ADAMTS19: variants seen among roughly 807,000 people sequenced by gnomAD.
ADAMTS19 encodes the protein ADAM metallopeptidase with thrombospondin type 1 motif 19.
Under a neutral mutation model 153.3 loss-of-function variants are expected in ADAMTS19, and 93 were observed. That is an observed-to-expected ratio of 0.61 (90% CI 0.51 to 0.72). ADAMTS19 has a LOEUF of 0.72. ADAMTS19 is among the 30% of genes least tolerant of loss of function. The pLI is 0.00. For missense variants in ADAMTS19, 1,482 were observed against 1,552.1 expected (o/e 0.95, Z 0.76); for synonymous variants, 600 against 556.6 (o/e 1.08, Z -1.10).
At chr5:129,599,349 GTCA>G (rs1431410971) in intron 8 of ADAMTS19, among the ~76,000 whole-genome samples, 2 of 152,000 alleles carry the variant, frequency 1.3e-5, no homozygotes, top group Admixed American at 6.6e-5. Context: ...AAAGATACAT[GTCA>G]TCATAAATAT....
intron 21 of ADAMTS19, 21 bp from the exon 22 acceptor site, chr5:129,734,911 C>A: frequency 6.6e-7 from 1 of 1,520,394 alleles, no homozygotes; most frequent in South Asian, 1.3e-5. Flanking sequence ...AGAACCTAAA[C>A]AAACCTTGTA....
intron 15 of ADAMTS19, 93 bp from the exon 16 acceptor site, chr5:129,665,406 C>A (rs1754000907): frequency 9.0e-7 from 1 of 1,108,534 alleles, no homozygotes; most frequent in Admixed American, 2.7e-5. Context: ...ATAGCAATAA[C>A]CAAAACCAAA....
At chr5:129,610,404 A>G (rs1751145756) in intron 8 of ADAMTS19, among the ~76,000 whole-genome samples, 1 of 152,088 alleles carries the variant, frequency 6.6e-6, no homozygotes, top group Non-Finnish European at 1.5e-5. Flanking sequence ...CTTGTCAGTT[A>G]CATTGGGTAT....
intron 2 of ADAMTS19, among the ~76,000 whole-genome samples, chr5:129,482,469 C>A (rs1339420817): frequency 6.6e-6 from 1 of 152,032 alleles, no homozygotes; most frequent in South Asian, 2.1e-4. Flanking sequence ...TATTTTGGAC[C>A]TGTTTTTCTC....
At chr5:129,465,200 C>G (rs1015401145) in intron 2 of ADAMTS19, among the ~76,000 whole-genome samples, 3 of 151,830 alleles carry the variant, frequency 2.0e-5, no homozygotes, top group Admixed American at 1.3e-4. Context: ...ACATGAAGTA[C>G]TTTATGCTAC....
intron 14 of ADAMTS19, among the ~76,000 whole-genome samples, chr5:129,658,200 G>A (rs1001010471): frequency 1.3e-5 from 2 of 151,824 alleles, no homozygotes; most frequent in African/African-American, 4.8e-5. Context: ...GTGGGAGGCT[G>A]GCTTCAGCCT....
Position 129,665,485 on chromosome 5 carries a change from A to G in ADAMTS19, c.2426-14A>G, listed in dbSNP as rs773838726. On this transcript the variant is annotated splice_polypyrimidine_tract_variant and intron_variant, in intron 15 of 22. Transcript: ENST00000274487. ...GAACTCAAGATTTATTTCATGTTTT[A>G]TTGACTCTTACAGGTTATGTAGAAG... is the stretch of plus-strand genomic sequence containing the variant. 1 of 1,571,992 alleles carries G rather than the reference A, an allele frequency of 6.4e-7. No homozygotes were observed. The highest frequency in any genetic ancestry group is 8.7e-7 in the Non-Finnish European group (1 of 1,153,496).
At chr5:129,578,814 G>T (rs1581106417) in intron 7 of ADAMTS19, among the ~76,000 whole-genome samples, 1 of 152,030 alleles carries the variant, frequency 6.6e-6, no homozygotes, top group East Asian at 1.9e-4. Flanking sequence ...GTGTATATGT[G>T]CCACATTATC....
At chr5:129,666,743 A>C (rs577163436) in intron 16 of ADAMTS19, among the ~76,000 whole-genome samples, 1 of 152,334 alleles carries the variant, frequency 6.6e-6, no homozygotes, top group South Asian at 2.1e-4. Flanking sequence ...AAGATTTTCA[A>C]ATACAGATTA....
chr5:129,649,343 C>G (rs992401342), intron 13 of ADAMTS19, among the ~76,000 whole-genome samples: 6 of 152,282 alleles, frequency 3.9e-5, no homozygotes, highest in Admixed American at 2.0e-4. Flanking sequence ...ATACAGAAAT[C>G]ATACTCCTGA....
At chr5:129,601,152 G>A (rs945809697) in intron 8 of ADAMTS19, among the ~76,000 whole-genome samples, 2 of 152,078 alleles carry the variant, frequency 1.3e-5, no homozygotes, top group Admixed American at 6.6e-5. Context: ...GATTACAGGC[G>A]TGAGCCACCA....
chr5:129,530,568 A>G (rs1417579246), intron 6 of ADAMTS19, among the ~76,000 whole-genome samples: 2 of 152,236 alleles, frequency 1.3e-5, no homozygotes, highest in African/African-American at 4.8e-5. Flanking sequence ...CAGTGAAACA[A>G]CATTTCTAAT....
intron 15 of ADAMTS19, among the ~76,000 whole-genome samples, chr5:129,662,168 G>A (rs540968596): frequency 6.6e-6 from 1 of 152,132 alleles, no homozygotes; most frequent in East Asian, 1.9e-4. Flanking sequence ...TTCAAAATAT[G>A]GCGTTTGTTA....
intron 6 of ADAMTS19, among the ~76,000 whole-genome samples, chr5:129,531,999 CAT>C (rs1468178932): frequency 6.6e-6 from 1 of 151,986 alleles, no homozygotes; most frequent in African/African-American, 2.4e-5. Flanking sequence ...TCCTATTTAA[CAT>C]GTGTAAAATT....
At position 129,738,187 on chromosome 5, in the gene ADAMTS19, A is replaced by C. The variant is rs1330254623; in HGVS notation, c.*969A>C. 2 of 152,208 alleles carry C rather than the reference A, an allele frequency of 1.3e-5. No homozygotes were observed. Among genetic ancestry groups the C allele is most frequent in the Non-Finnish European group, 2.9e-5 (2 of 67,964 alleles). 9.4% of individuals were successfully genotyped at this position (152,208 alleles called of 1,614,324 possible). On this transcript the variant is annotated 3_prime_UTR_variant, in exon 23 of 23. Coordinates refer to ENST00000274487, the MANE Select transcript of ADAMTS19 (RefSeq NM_133638.6). The stretch of plus-strand genomic sequence containing the variant: ...AAGCATATAATACGGTGGTCGTTTC[A>C]TTGTGTTTTTCTTCCTTTTAAAAAT...
chr5:129,658,337 G>A (rs200845155), intron 14 of ADAMTS19, among the ~76,000 whole-genome samples: 1 of 105,416 alleles, frequency 9.5e-6, no homozygotes, highest in African/African-American at 3.0e-5. Context: ...AAGAAAGAAA[G>A]AAAGAAAGAA....
chr5:129,719,120 G>T (rs1004261023), intron 21 of ADAMTS19, among the ~76,000 whole-genome samples: 1 of 152,044 alleles, frequency 6.6e-6, no homozygotes, highest in Non-Finnish European at 1.5e-5. Context: ...ACTGCTGTTA[G>T]TTGAGTTTTT....
intron 15 of ADAMTS19, among the ~76,000 whole-genome samples, chr5:129,659,925 C>T (rs1051003233): frequency 6.6e-6 from 1 of 152,106 alleles, no homozygotes; most frequent in African/African-American, 2.4e-5. Flanking sequence ...GCTTATATTA[C>T]AGATACCAAC....
chr5:129,546,714 A>T (rs898781467), intron 6 of ADAMTS19, among the ~76,000 whole-genome samples: 13 of 151,288 alleles, frequency 8.6e-5, no homozygotes, highest in Admixed American at 6.5e-4. Context: ...TCATAGATAG[A>T]TCCTCATTGG....
Sources: gnomAD v4.1 joint callset for allele counts (sites outside exome capture counted in the v4.1 genomes callset) on GRCh38, gnomAD v4.1.1 for gene constraint, MANE v1.5 for transcripts, NCBI Gene and HGNC (gene_info 2026-07-23, HGNC 2026-07-21) for gene names.